LLGL1: variants seen among roughly 807,000 people sequenced by gnomAD.
The protein encoded by LLGL1 is lethal(2) giant larvae protein homolog 1.
A neutral mutation model predicts 110.6 loss-of-function variants in LLGL1; 58 were observed. That is an observed-to-expected ratio of 0.52 (90% CI 0.42 to 0.65). The LOEUF (loss-of-function observed/expected upper bound fraction) is 0.65. LLGL1 is among the 30% of genes least tolerant of loss of function. The probability of loss-of-function intolerance (pLI) is 0.00; values close to 1 mark genes in which losing one functional copy is unlikely to be tolerated. For missense variants in LLGL1, 1,229 were observed against 1,462.1 expected (o/e 0.84, Z 2.60); for synonymous variants, 674 against 607.2 (o/e 1.11, Z -1.62).
rs759691509 is a variant in LLGL1 at position 18,234,005 on chromosome 17, C to T, written c.552-8C>T. On this transcript the variant is annotated splice_region_variant and splice_polypyrimidine_tract_variant and intron_variant, in intron 5 of 22. Coordinates refer to ENST00000316843, the MANE Select transcript of LLGL1 (RefSeq NM_004140.4). ...AAGTTCTGCTGGCTCACCTGCCTTC[C>T]TCCACAGCGTGCCAGACGACTACCG... The T allele has an allele frequency of 8.7e-5, 139 of 1,594,026 alleles. No individual in the cohort carries two copies. The highest frequency in any genetic ancestry group is 1.2e-4 in the Non-Finnish European group (137 of 1,167,464).
Position 18,234,269 on chromosome 17 carries a change from G to A in LLGL1, c.715-4G>A, listed in dbSNP as rs752231181. On this transcript the variant is annotated splice_polypyrimidine_tract_variant and splice_region_variant and intron_variant, in intron 6 of 22. Coordinates refer to ENST00000316843, the MANE Select transcript of LLGL1 (RefSeq NM_004140.4). Reference sequence around the variant, plus strand: ...CCTGCCTGCCTGCCCCTGCCTGCCCGCAGCAGCTGGAGAGCCTATGCTGGG... The same window carrying A: ...CCTGCCTGCCTGCCCCTGCCTGCCCACAGCAGCTGGAGAGCCTATGCTGGG... The A allele has an allele frequency of 1.9e-6, 3 of 1,598,294 alleles. No individual in the cohort carries two copies. Among genetic ancestry groups the A allele is most frequent in the South Asian group, 1.1e-5 (1 of 89,208 alleles).
chr17:18,242,141 C>A (rs761063127), intron 19 of LLGL1, 25 bp from the exon 20 acceptor site: 17 of 1,586,132 alleles, frequency 1.1e-5, no homozygotes, highest in Non-Finnish European at 1.4e-5. Context: ...CACCTATGGT[C>A]CCCATCATGG....
intron 11 of LLGL1, 101 bp from the exon 12 acceptor site, chr17:18,236,506 C>T (rs557342686): frequency 2.5e-5 from 30 of 1,183,404 alleles, no homozygotes; most frequent in African/African-American, 2.0e-4. Flanking sequence ...GTGTTTGGCA[C>T]GTGCAGTAGG....
rs1240100045 is a variant in LLGL1, at chr17:18,234,954, A to G, written c.1021A>G (p.Ile341Val). The G allele has an allele frequency of 1.2e-6, 2 of 1,614,036 alleles. No homozygotes were observed. Among genetic ancestry groups the G allele is most frequent in the East Asian group, 2.2e-5 (1 of 44,872 alleles). ...LVTLDFTSRI[I>V]DFFTVHSTRP... Reference sequence around the variant, plus strand: ...GACGCTGGACTTCACTTCCCGCATCATCGACTTCTTCACAGTGCACAGCAC... The same window carrying G: ...GACGCTGGACTTCACTTCCCGCATCGTCGACTTCTTCACAGTGCACAGCAC... The change falls in exon 9 of 23, where the codon ATC becomes GTC. Residue 341 changes from isoleucine (I) to valine (V), a missense_variant. Ile to Val is a conservative substitution (Grantham distance 29). Transcript: ENST00000316843.
At position 18,232,522 on chromosome 17, in the gene LLGL1, A is replaced by G. The variant is rs748335410; in HGVS notation, c.207A>G (p.Thr69=). The change falls in exon 3 of 23, where the codon ACA becomes ACG. Residue 69 remains threonine (T), a synonymous_variant. Coordinates refer to ENST00000316843, the MANE Select transcript of LLGL1 (RefSeq NM_004140.4). ...ATGGTGCACCTGGCGTGGAGTTCACAGGCCTGCACCGGGATGCAGCCACTG... is the reference window on the plus strand; with the variant it reads ...ATGGTGCACCTGGCGTGGAGTTCACGGGCCTGCACCGGGATGCAGCCACTG... ...KIYGAPGVEF[T]GLHRDAATVT... 3 of 1,613,946 alleles carry G rather than the reference A, an allele frequency of 1.9e-6. No homozygotes were observed. Among genetic ancestry groups the G allele is most frequent in the East Asian group, 2.2e-5 (1 of 44,890 alleles).
At chr17:18,230,802 G>T (rs896167133) in intron 2 of LLGL1, among the ~76,000 whole-genome samples, 6 of 152,192 alleles carry the variant, frequency 3.9e-5, no homozygotes, top group Non-Finnish European at 5.9e-5. Context: ...GAAAGGGGAG[G>T]GTGTGGGATG....
rs1461538204 is a variant in LLGL1 at position 18,235,458 on chromosome 17, AC to A, written c.1285-7del. On this transcript the variant is annotated splice_polypyrimidine_tract_variant and intron_variant, in intron 10 of 22. Coordinates refer to ENST00000316843, the MANE Select transcript of LLGL1 (RefSeq NM_004140.4). ...CTAACCTTGTGCATACATCTCTGCC[AC>A]CCCCTCCCAGAGCTGGCCCATCACT... is the stretch of plus-strand genomic sequence containing the variant. 6.2e-7 allele frequency: 1 copy of A among 1,613,858 alleles called. No individual in the cohort carries two copies. The highest frequency in any genetic ancestry group is 1.7e-5 in the Admixed American group (1 of 60,010).
chr17:18,230,734 T>A (rs2047549551), intron 2 of LLGL1, among the ~76,000 whole-genome samples: 1 of 152,156 alleles, frequency 6.6e-6, no homozygotes, highest in African/African-American at 2.4e-5. Flanking sequence ...TGTGTGGCCT[T>A]CTGGGTTTCA....
At chr17:18,238,808 T>C (rs1037265317) in intron 16 of LLGL1, among the ~76,000 whole-genome samples, 199 bp downstream of exon 16, 23 of 152,076 alleles carry the variant, frequency 1.5e-4, no homozygotes, top group African/African-American at 5.3e-4. Flanking sequence ...GTCAGGAGTT[T>C]GAGACCCGCC....
chr17:18,240,940 A>AT lies in LLGL1; in HGVS notation c.2502+69dup. On this transcript the variant is annotated intron_variant, in intron 17 of 22. Coordinates refer to ENST00000316843, the MANE Select transcript of LLGL1 (RefSeq NM_004140.4). This position sits in a 1 kb window ranked among gnomAD's most constrained non-coding sequence, Gnocchi z 5.3. ...TCCAGGCCCCAACCTCATGGACACC[A>AT]TTGGACCCTCAAGAAACCCTTCCTG... 5.6e-6 allele frequency: 8 copies of AT among 1,422,896 alleles called. No homozygotes were observed. The highest frequency in any genetic ancestry group is 2.6e-5 in the Admixed American group (1 of 38,542). 88.1% of individuals were successfully genotyped at this position (1,422,896 alleles called of 1,614,324 possible).
chr17:18,238,995 A>G (rs1178020220), intron 16 of LLGL1, among the ~76,000 whole-genome samples: 1 of 152,136 alleles, frequency 6.6e-6, no homozygotes, highest in African/African-American at 2.4e-5. Context: ...TGTGCAACAG[A>G]GTGAGACCTT....
In LLGL1 at chr17:18,237,720, C is replaced by T; in HGVS notation, c.1851C>T (p.Thr617=). ...AGTGGAGCCTCGTGGCTTTTGGCACCAGTCATGGCTTTGGCCTCTTCGACT... is the reference window on the plus strand; with the variant it reads ...AGTGGAGCCTCGTGGCTTTTGGCACTAGTCATGGCTTTGGCCTCTTCGACT... ...HTEWSLVAFG[T]SHGFGLFDYQ... The change falls in exon 14 of 23, where the codon ACC becomes ACT. Residue 617 remains threonine, a synonymous_variant. Coordinates refer to ENST00000316843, the MANE Select transcript of LLGL1 (RefSeq NM_004140.4). 6.2e-7 allele frequency: 1 copy of T among 1,612,970 alleles called. No individual in the cohort carries two copies. The highest frequency in any genetic ancestry group is 1.1e-5 in the South Asian group (1 of 91,064).
intron 10 of LLGL1, 22 bp from the exon 11 acceptor site, chr17:18,235,448 C>A: frequency 6.2e-7 from 1 of 1,614,010 alleles, no homozygotes. Context: ...CTTGTGCATA[C>A]ATCTCTGCCA....
Position 18,238,047 on chromosome 17 carries a change from T to G in LLGL1, c.1905-20T>G. ...CCAGGAGGCTGCTCTATAGCACGAC[T>G]GGACCCTGTCTTCCCCCAGGTGCAC... On this transcript the variant is annotated intron_variant, in intron 14 of 22. Transcript: ENST00000316843. 2.5e-6 allele frequency: 4 copies of G among 1,612,832 alleles called. No homozygotes were observed. The South Asian group carries it at 4.4e-5, about 18-fold the overall frequency.
At chr17:18,232,924 TG>T in intron 4 of LLGL1, 122 bp downstream of exon 4, 4 of 1,280,876 alleles carry the variant, frequency 3.1e-6, no homozygotes, top group Non-Finnish European at 4.4e-6. Context: ...TGCCTTGAGC[TG>T]GGCCTGGGTC....
At position 18,232,817 on chromosome 17, in the gene LLGL1, G is replaced by A. The variant is rs1165653502; in HGVS notation, c.392+15G>A. 6.2e-7 allele frequency: 1 copy of A among 1,613,646 alleles called. No individual in the cohort carries two copies. The highest frequency in any genetic ancestry group is 2.2e-5 in the East Asian group (1 of 44,878). On this transcript the variant is annotated intron_variant, in intron 4 of 22. Coordinates refer to ENST00000316843, the MANE Select transcript of LLGL1 (RefSeq NM_004140.4). ...GATGGTGCCAGGTACTGGAGAACTT[G>A]GCTGGGGCCAGCCACCGGGCAGGGA...
chr17:18,230,133 C>T (rs1267004435), intron 2 of LLGL1, 95 bp downstream of exon 2: 5 of 959,546 alleles, frequency 5.2e-6, no homozygotes, highest in Middle Eastern at 2.1e-4. Context: ...GTGTCCAGCT[C>T]GAGAGGAGGA....
intron 16 of LLGL1, among the ~76,000 whole-genome samples, chr17:18,239,927 G>C (rs2142694922): frequency 6.6e-6 from 1 of 152,258 alleles, no homozygotes; most frequent in African/African-American, 2.4e-5. Context: ...CGGGTCATCA[G>C]GGAGCAGGTG....
intron 10 of LLGL1, 42 bp downstream of exon 10, chr17:18,235,354 G>A (rs772862881): frequency 6.2e-7 from 1 of 1,605,498 alleles, no homozygotes; most frequent in Non-Finnish European, 8.5e-7. Flanking sequence ...GTGGAGTCTT[G>A]AGGAGGGGGA....
Sources: allele counts gnomAD v4.1 joint callset (sites outside exome capture counted in the v4.1 genomes callset), GRCh38; gene constraint gnomAD v4.1.1; non-coding constraint Gnocchi (gnomAD v3.1); transcripts MANE v1.5; gene names NCBI Gene and HGNC (gene_info 2026-07-23, HGNC 2026-07-21).